DMXL2: variants seen among roughly 807,000 people sequenced by gnomAD.
DMXL2 encodes the protein Dmx like 2, also known as dmX-like protein 2.
In DMXL2, 103 loss-of-function variants were observed where a neutral mutation model predicts 331.1. That is an observed-to-expected ratio of 0.31 (90% CI 0.27 to 0.37). DMXL2 has a LOEUF of 0.37. Among genes scored for constraint, DMXL2 ranks in the 10% least tolerant of loss-of-function variants. The pLI, the probability that DMXL2 is intolerant of heterozygous loss-of-function variation, is 1.00. For missense variants in DMXL2, 3,171 were observed against 3,642.9 expected (o/e 0.87, Z 3.33); for synonymous variants, 1,281 against 1,252.1 (o/e 1.02, Z -0.49).
chr15:51,465,444 TATAAA>T, intron 31 of DMXL2, 117 bp downstream of exon 31: 1 of 756,744 alleles, frequency 1.3e-6, no homozygotes. Context: ...AACAAGACTT[TATAAA>T]ATATCTAATG....
At chr15:51,498,448 A>G in intron 18 of DMXL2, 104 bp downstream of exon 18, 1 of 1,196,450 alleles carries the variant, frequency 8.4e-7, no homozygotes, top group Non-Finnish European at 1.2e-6. Flanking sequence ...TTTCCCTGCA[A>G]AGTTTGAAAG....
At position 51,547,253 on chromosome 15, in the gene DMXL2, G is replaced by A; in HGVS notation, c.723C>T (p.Arg241=). 6.2e-7 allele frequency: 1 copy of A among 1,610,866 alleles called. No homozygotes were observed. Among genetic ancestry groups the A allele is most frequent in the Non-Finnish European group, 8.5e-7 (1 of 1,178,638 alleles). ...ACCTGGGCATATACTTGCTAGTTTT[G>A]CGCCACGAAAAACCTGTCACAGCTC... ...HPRAVTGFSW[R]KTSKYMPRGS... Residue 241 remains arginine (R), a synonymous_variant, in exon 7 of 44, where the codon CGC becomes CGT. Coordinates refer to ENST00000560891, the MANE Select transcript of DMXL2 (RefSeq NM_001378457.1).
chr15:51,587,216 G>A lies in DMXL2; in HGVS notation c.88-11035C>T, dbSNP rs528787986. Among the ~76,000 whole-genome samples, 55 of 152,192 alleles carry A rather than the reference G, an allele frequency of 3.6e-4. 1 individual carries two copies. Among genetic ancestry groups the A allele is most frequent in the Middle Eastern group, 6.8e-3 (2 of 294 alleles). On this transcript the variant is annotated intron_variant, in intron 1 of 43. Transcript: ENST00000560891. ...AAGTTTTAGGGTACATGTGCACAAC[G>A]TGCAGGTTTGTTACATATGTATACA...
chr15:51,476,462 A>T (rs893289579), intron 27 of DMXL2, 127 bp downstream of exon 27: 16 of 1,115,128 alleles, frequency 1.4e-5, no homozygotes, highest in Non-Finnish European at 2.1e-5. Context: ...GAAAAACATC[A>T]TCAAAAAACA....
rs267604250 is a variant in DMXL2 at position 51,480,629 on chromosome 15, G to A, written c.6477C>T (p.Leu2159=). ...QKNQDLLRVF[L]SYCSLHGAQG... is the part of the protein sequence containing the mutation. Reference sequence around the variant, plus strand: ...GGGCCCCATGAAGGCTACAGTAGCTGAGAAATACTCTCAGGAGATCTTGGT... The same window carrying A: ...GGGCCCCATGAAGGCTACAGTAGCTAAGAAATACTCTCAGGAGATCTTGGT... Residue 2159 remains leucine (L), a synonymous_variant, in exon 24 of 44, where the codon CTC becomes CTT. Coordinates refer to ENST00000560891, the MANE Select transcript of DMXL2 (RefSeq NM_001378457.1). 5 of 1,608,732 alleles carry A rather than the reference G, an allele frequency of 3.1e-6. No homozygotes were observed. The East Asian group carries it at 1.1e-4, about 36-fold the overall frequency.
At position 51,495,171 on chromosome 15, in the gene DMXL2, G is replaced by A. The variant is rs140851706; in HGVS notation, c.4673-37C>T. 8.7e-4 allele frequency: 1,173 copies of A among 1,350,870 alleles called. 9 individuals are homozygous for A. In the African/African-American group the frequency reaches 0.014, roughly 17 times the overall value. The allele number at this position is 1,350,870 out of a possible 1,614,324, so 83.7% of individuals were successfully genotyped here. ...ACAGGAAATATGTTTAAGGAAAAAA[G>A]AATGCAAGAGGCCACAAACTGATAA... is the stretch of plus-strand genomic sequence containing the variant. On this transcript the variant is annotated intron_variant, in intron 18 of 43. Transcript: ENST00000560891.
chr15:51,455,971 T>A, intron 39 of DMXL2, 95 bp downstream of exon 39: 1 of 1,399,164 alleles, frequency 7.1e-7, no homozygotes, highest in Non-Finnish European at 1.0e-6. Flanking sequence ...AAATCCAGGG[T>A]CACTGAATTC....
chr15:51,610,696 A>T (rs570508579), intron 1 of DMXL2, among the ~76,000 whole-genome samples: 2 of 151,962 alleles, frequency 1.3e-5, no homozygotes, highest in South Asian at 2.1e-4. Flanking sequence ...TGAACCCAGG[A>T]GACAGAGCTT....
rs781742243 is a variant in DMXL2 at position 51,466,241 on chromosome 15, T to C, written c.7463A>G (p.Asp2488Gly). The change falls in exon 30 of 44, where the codon GAT becomes GGT. Residue 2488 changes from aspartate to glycine, a missense_variant. Physicochemically the swap from Asp to Gly is moderately conservative, Grantham distance 94. This residue lies in a region of DMXL2 where 766 missense variants were observed against 940.5 expected (regional missense o/e 0.81). Transcript: ENST00000560891. ...SDESIHSDEE[D>G]DAFFSDTQIQ... ...TTGTGTATCTGAAAAAAAGGCATCA[T>C]CTTCTTCATCACTATGAATGCTTTC... 9 of 1,577,466 alleles carry C rather than the reference T, an allele frequency of 5.7e-6. No homozygotes were observed. Among genetic ancestry groups the C allele is most frequent in the East Asian group, 4.7e-5 (2 of 42,990 alleles).
rs1263610623 is a variant in DMXL2 at position 51,538,458 on chromosome 15, G to A, written c.1106-6C>T. 6.4e-7 allele frequency: 1 copy of A among 1,564,070 alleles called. No homozygotes were observed. The highest frequency in any genetic ancestry group is 1.2e-5 in the South Asian group (1 of 82,658). ...AACCAAGACATTTGGAATATCTGTG[G>A]AAATAAAAGAGATTTCAATATAATT... On this transcript the variant is annotated splice_region_variant and splice_polypyrimidine_tract_variant and intron_variant, in intron 9 of 43. Coordinates refer to ENST00000560891, the MANE Select transcript of DMXL2 (RefSeq NM_001378457.1).
In DMXL2 at chr15:51,486,289, G is replaced by A. The variant is rs2042389241; in HGVS notation, c.5266C>T (p.Arg1756Cys). The A allele has an allele frequency of 1.9e-6, 3 of 1,607,320 alleles. No homozygotes were observed. Among genetic ancestry groups the A allele is most frequent in the Admixed American group, 1.7e-5 (1 of 59,952 alleles). ...GTCTCAAATTCAGATTCATATAAACGGGCAATAACCATGGCTAGCTGAATA... is the reference window on the plus strand; with the variant it reads ...GTCTCAAATTCAGATTCATATAAACAGGCAATAACCATGGCTAGCTGAATA... ...EDIQLAMVIA[R>C]LYESEFETSS... The change falls in exon 23 of 44, where the codon CGT (arginine) becomes TGT (cysteine). Residue 1756 changes from arginine (R) to cysteine (C), a missense_variant. Arg to Cys is a radical substitution (Grantham distance 180). Around this residue, in one of 7 missense-constraint regions of DMXL2, gnomAD observed 252 missense variants for 387.4 expected, o/e 0.65. Transcript: ENST00000560891.
At chr15:51,552,970 T>C (rs1394899273) in intron 6 of DMXL2, among the ~76,000 whole-genome samples, 1 of 151,592 alleles carries the variant, frequency 6.6e-6, no homozygotes, top group Non-Finnish European at 1.5e-5. Flanking sequence ...TGGTGTTTGT[T>C]CCCTTGGCCA....
At chr15:51,484,900 C>T (rs2042274385) in intron 23 of DMXL2, among the ~76,000 whole-genome samples, 2 of 151,500 alleles carry the variant, frequency 1.3e-5, no homozygotes, top group African/African-American at 4.8e-5. Context: ...AAGAACCAAA[C>T]AGAAATACTA....
chr15:51,599,065 A>G (rs2053040582), intron 1 of DMXL2, among the ~76,000 whole-genome samples: 1 of 152,174 alleles, frequency 6.6e-6, no homozygotes, highest in South Asian at 2.1e-4. Context: ...ATGGATTTTT[A>G]TCTTATTCAA....
intron 1 of DMXL2, among the ~76,000 whole-genome samples, chr15:51,581,673 T>C (rs536286900): frequency 6.6e-6 from 1 of 152,304 alleles, no homozygotes; most frequent in South Asian, 2.1e-4. Context: ...TTCCTTTATG[T>C]CTCAGATAAA....
chr15:51,476,559 T>A (rs752878542), intron 27 of DMXL2, 30 bp downstream of exon 27: 3 of 679,876 alleles, frequency 4.4e-6, no homozygotes, highest in Admixed American at 3.9e-5. Flanking sequence ...AACTAGAAGA[T>A]TTTTTTTTTT....
intron 37 of DMXL2, 108 bp downstream of exon 37, chr15:51,457,220 C>A: frequency 2.6e-6 from 3 of 1,144,506 alleles, no homozygotes; most frequent in Non-Finnish European, 3.7e-6. Context: ...CATGGCCTAT[C>A]TACTGGTGTT....
At chr15:51,482,227 T>G (rs758262989) in intron 23 of DMXL2, among the ~76,000 whole-genome samples, 3 of 152,048 alleles carry the variant, frequency 2.0e-5, no homozygotes, top group Non-Finnish European at 4.4e-5. Context: ...AACAAGTAAT[T>G]TGACTGTACA....
At chr15:51,565,684 C>T (rs756432407) in intron 3 of DMXL2, among the ~76,000 whole-genome samples, 2 of 152,138 alleles carry the variant, frequency 1.3e-5, no homozygotes, top group Non-Finnish European at 2.9e-5. Flanking sequence ...TTATCTTCAG[C>T]GTTTGTAATG....
Sources: allele counts gnomAD v4.1 joint callset (sites outside exome capture counted in the v4.1 genomes callset), GRCh38; gene constraint gnomAD v4.1.1; regional missense constraint gnomAD v4.1.1; transcripts MANE v1.5; gene names NCBI Gene and HGNC (gene_info 2026-07-23, HGNC 2026-07-21).